Variants in APC2 observed in about 807,000 individuals in gnomAD.
APC2 encodes adenomatous polyposis coli protein 2.
Under a neutral mutation model 72.5 loss-of-function variants are expected in APC2, and 41 were observed. The ratio of observed to expected loss-of-function variants is 0.57; its 90% CI spans 0.44 to 0.73. APC2 has a LOEUF of 0.73. APC2 is among the 30% of genes least tolerant of loss of function. The probability of loss-of-function intolerance (pLI) is 0.00; values close to 1 mark genes in which losing one functional copy is unlikely to be tolerated. For synonymous variants in APC2, 1,898 were observed against 1,612.0 expected, an observed-to-expected ratio of 1.18 and a Z score of -4.25; for missense variants, 3,729 against 3,403.4, an observed-to-expected ratio of 1.10 and a Z score of -2.38.
At chr19:1,449,072 C>T (rs796081561), upstream of APC2, among the ~76,000 whole-genome samples, 12 of 152,326 alleles carry the variant, frequency 7.9e-5, no homozygotes, top group African/African-American at 1.9e-4. Flanking sequence ...CCTCCCTTGC[C>T]TTTGTCTACG....
At chr19:1,449,109 C>G (rs370665277), upstream of APC2, among the ~76,000 whole-genome samples, 3 of 152,248 alleles carry the variant, frequency 2.0e-5, no homozygotes, top group East Asian at 1.9e-4. Context: ...GACCTTCCCA[C>G]CCTCTCCTAT....
At chr19:1,450,096 C>T (rs1014640820), upstream of APC2, 11 of 971,102 alleles carry the variant, frequency 1.1e-5, no homozygotes, top group South Asian at 1.4e-4. Context: ...CACCCGCATC[C>T]CTCATCCCGC....
In APC2 at chr19:1,453,569, G is replaced by C. The variant is rs1191880287; in HGVS notation, c.371G>C (p.Ser124Thr). The C allele has an allele frequency of 3.1e-6, 5 of 1,610,398 alleles. No homozygotes were observed. The highest frequency in any genetic ancestry group is 4.2e-6 in the Non-Finnish European group (5 of 1,179,022). ...GPSKDSFGELSRATIRLLEEL... is the reference protein window; with the variant it reads ...GPSKDSFGELTRATIRLLEEL... ...TCCAAGGACAGCTTTGGGGAGCTGA[G>C]CCGGGCCACCATCCGGCTGCTGGAG... Residue 124 changes from serine to threonine, a missense_variant, in exon 4 of 15, where the codon AGC becomes ACC. Ser to Thr is a moderately conservative substitution (Grantham distance 58, BLOSUM62 1). Coordinates refer to ENST00000590469, the MANE Select transcript of APC2 (RefSeq NM_005883.3).
Position 1,453,146 on chromosome 19 carries a change from G to A in APC2, c.141+4G>A, listed in dbSNP as rs2083765114. 15 of 1,598,184 alleles carry A rather than the reference G, an allele frequency of 9.4e-6. No homozygotes were observed. The highest frequency in any genetic ancestry group is 1.3e-5 in the Non-Finnish European group (15 of 1,172,930). ...GACAGAGACGTCGGGCATGAAGGTG[G>A]GGGCCTACATGGAGGAGGTGGGCTA... On this transcript the variant is annotated splice_donor_region_variant and intron_variant, in intron 2 of 14. Coordinates refer to ENST00000590469, the MANE Select transcript of APC2 (RefSeq NM_005883.3).
At chr19:1,458,173 A>C in intron 10 of APC2, 113 bp downstream of exon 10, 1 of 973,100 alleles carries the variant, frequency 1.0e-6, no homozygotes, top group Non-Finnish European at 1.6e-6. Flanking sequence ...TGGGGATTGG[A>C]GCCCGGAGAG....
Position 1,469,699 on chromosome 19 carries a change from C to T in APC2, c.6398C>T (p.Pro2133Leu). The T allele has an allele frequency of 7.3e-7, 1 of 1,376,162 alleles. No homozygotes were observed. Among genetic ancestry groups the T allele is most frequent in the Admixed American group, 3.5e-5 (1 of 28,742 alleles). The allele number at this position is 1,376,162 out of a possible 1,614,324, so 85.2% of individuals were successfully genotyped here. ...DAARRSSDGE[P>L]RPLPRVAAPG... The stretch of plus-strand genomic sequence containing the variant: ...GCGCGCCGCAGCAGCGACGGGGAGC[C>T]CCGGCCGCTCCCCAGGGTGGCCGCG... The change falls in exon 15 of 15, where the codon CCC (proline) becomes CTC (leucine). Residue 2133 changes from proline (P) to leucine (L), a missense_variant. Physicochemically the swap from Pro to Leu is moderately conservative, Grantham distance 98. Transcript: ENST00000590469.
At position 1,467,675 on chromosome 19, in the gene APC2, G is replaced by C. The variant is rs990929135; in HGVS notation, c.4374G>C (p.Ala1458=). 2.0e-6 allele frequency: 3 copies of C among 1,476,342 alleles called. No homozygotes were observed. The highest frequency in any genetic ancestry group is 2.9e-5 in the African/African-American group (2 of 68,206). 91.5% of individuals were successfully genotyped at this position (1,476,342 alleles called of 1,614,324 possible). The change falls in exon 15 of 15, where the codon GCG becomes GCC. Residue 1458 remains alanine, a synonymous_variant. Transcript: ENST00000590469. ...AGRSAEQSRG[A]GKNRAGLELP... ...GCAGCGCGGAGCAGTCTCGGGGCGC[G>C]GGCAAGAACAGAGCAGGGCTGGAGC...
intron 11 of APC2, 84 bp from the exon 12 acceptor site, chr19:1,460,696 A>T: frequency 7.3e-7 from 1 of 1,373,050 alleles, no homozygotes; most frequent in Non-Finnish European, 1.0e-6. Flanking sequence ...TTGCAGCTGC[A>T]GCACACAGAC....
At chr19:1,461,001 C>A (rs759199170) in intron 12 of APC2, 36 bp from the exon 13 acceptor site, 3 of 1,608,670 alleles carry the variant, frequency 1.9e-6, no homozygotes, top group Non-Finnish European at 8.5e-7. Flanking sequence ...GGGCCTGGAC[C>A]CTAGTCCCAC....
At position 1,469,613 on chromosome 19, in the gene APC2, C is replaced by T; in HGVS notation, c.6312C>T (p.His2104=). The T allele has an allele frequency of 8.0e-7, 1 of 1,256,260 alleles. No individual in the cohort carries two copies. Among genetic ancestry groups the T allele is most frequent in the Non-Finnish European group, 1.0e-6 (1 of 993,208 alleles). The allele number at this position is 1,256,260 out of a possible 1,614,324, so 77.8% of individuals were successfully genotyped here. A position where few individuals can be genotyped will look rare whatever the true frequency, so the allele number is the denominator to read the frequency against. The change falls in exon 15 of 15, where the codon CAC becomes CAT. Residue 2104 remains histidine (H), a synonymous_variant. Coordinates refer to ENST00000590469, the MANE Select transcript of APC2 (RefSeq NM_005883.3). ...ETVKRYASLP[H]ISVARRPDGA... is the part of the protein sequence containing the mutation. ...TCAAGCGCTACGCGTCGCTGCCGCA[C>T]ATCAGCGTGGCCCGCAGGCCCGACG...
Position 1,469,609 on chromosome 19 carries a change from C to G in APC2, c.6308C>G (p.Pro2103Arg). Residue 2103 changes from proline to arginine, a missense_variant, in exon 15 of 15, where the codon CCG (proline) becomes CGG (arginine). Transcript: ENST00000590469. ...PETVKRYASL[P>R]HISVARRPDG... ...ACTGTCAAGCGCTACGCGTCGCTGC[C>G]GCACATCAGCGTGGCCCGCAGGCCC... 7.9e-7 allele frequency: 1 copy of G among 1,258,852 alleles called. No homozygotes were observed. Among genetic ancestry groups the G allele is most frequent in the Non-Finnish European group, 1.0e-6 (1 of 993,462 alleles). 78.0% of individuals were successfully genotyped at this position (1,258,852 alleles called of 1,614,324 possible). A position where few individuals can be genotyped will look rare whatever the true frequency, so the allele number is the denominator to read the frequency against.
chr19:1,461,115 G>T lies in APC2; in HGVS notation c.1600G>T (p.Val534Leu). Residue 534 changes from valine to leucine, a missense_variant, in exon 13 of 15, where the codon GTG (valine) becomes TTG (leucine). Coordinates refer to ENST00000590469, the MANE Select transcript of APC2 (RefSeq NM_005883.3). ...SKKVLREAGS[V>L]TALVQCVLRA... is the part of the protein sequence containing the mutation. ...GAAGGTGCTGAGGGAGGCGGGCAGC[G>T]TGACTGCCCTGGTGCAGTGTGTCCT... The T allele has an allele frequency of 6.2e-7, 1 of 1,612,726 alleles. No individual in the cohort carries two copies. Among genetic ancestry groups the T allele is most frequent in the Non-Finnish European group, 8.5e-7 (1 of 1,180,006 alleles).
chr19:1,469,628 C>A lies in APC2; in HGVS notation c.6327C>A (p.Arg2109=). Residue 2109 remains arginine, a synonymous_variant, in exon 15 of 15, where the codon CGC becomes CGA. Coordinates refer to ENST00000590469, the MANE Select transcript of APC2 (RefSeq NM_005883.3). ...CGCTGCCGCACATCAGCGTGGCCCG[C>A]AGGCCCGACGGCGCCGTCCCCGCGG... ...YASLPHISVA[R]RPDGAVPAAP... is the part of the protein sequence containing the mutation. 1 of 1,235,442 alleles carries A rather than the reference C, an allele frequency of 8.1e-7. No homozygotes were observed. Among genetic ancestry groups the A allele is most frequent in the South Asian group, 2.5e-5 (1 of 39,910 alleles). The allele number at this position is 1,235,442 out of a possible 1,614,324, so 76.5% of individuals were successfully genotyped here.
intron 4 of APC2, among the ~76,000 whole-genome samples, 158 bp from the exon 5 acceptor site, chr19:1,454,991 C>A (rs547271010): frequency 7.1e-6 from 1 of 141,552 alleles, no homozygotes; most frequent in Non-Finnish European, 1.6e-5. Flanking sequence ...TACCCACCCC[C>A]CCCCCCTTAC....
In APC2 at chr19:1,469,941, C is replaced by T; in HGVS notation, c.6640C>T (p.Pro2214Ser). The T allele has an allele frequency of 1.3e-6, 2 of 1,509,578 alleles. No individual in the cohort carries two copies. Among genetic ancestry groups the T allele is most frequent in the Non-Finnish European group, 1.8e-6 (2 of 1,135,800 alleles). The allele number at this position is 1,509,578 out of a possible 1,614,324, so 93.5% of individuals were successfully genotyped here. Reference protein sequence around the residue: ...STSPSLETREPPGAPAGGQLS... With the variant: ...STSPSLETRESPGAPAGGQLS... ...GTCCCCGAGCCTGGAGACCAGGGAG[C>T]CCCCCGGGGCCCCCGCCGGCGGCCA... is the stretch of plus-strand genomic sequence containing the variant. Residue 2214 changes from proline (P) to serine (S), a missense_variant, in exon 15 of 15, where the codon CCC (proline) becomes TCC (serine). Transcript: ENST00000590469.
rs1327318178 is a variant in APC2, at chr19:1,471,587, A to G, written c.*1374A>G. 6.6e-6 allele frequency: 1 copy of G among 152,106 alleles called. No homozygotes were observed. The highest frequency in any genetic ancestry group is 2.4e-5 in the African/African-American group (1 of 41,396). 9.4% of individuals were successfully genotyped at this position (152,106 alleles called of 1,614,324 possible). On this transcript the variant is annotated 3_prime_UTR_variant, in exon 15 of 15. Transcript: ENST00000590469. ...CCTCGTCCTGCAGAGGGAGCCGACGACCTCTTTTCTGCAGAAAAGCTCCAG... is the reference window on the plus strand; with the variant it reads ...CCTCGTCCTGCAGAGGGAGCCGACGGCCTCTTTTCTGCAGAAAAGCTCCAG...
Position 1,453,624 on chromosome 19 carries a change from G to C in APC2, c.413+13G>C. 6.3e-7 allele frequency: 1 copy of C among 1,585,464 alleles called. No individual in the cohort carries two copies. The highest frequency in any genetic ancestry group is 1.3e-5 in the African/African-American group (1 of 74,532). On this transcript the variant is annotated intron_variant, in intron 4 of 14. Coordinates refer to ENST00000590469, the MANE Select transcript of APC2 (RefSeq NM_005883.3). ...TGGACCGGGAACGGTGAGTGGGCGT[G>C]GGAACCCAGCCTCGGGCAGCTGGAG... is the stretch of plus-strand genomic sequence containing the variant.
At chr19:1,447,787 G>A (rs910979153), upstream of APC2, among the ~76,000 whole-genome samples, 6 of 152,160 alleles carry the variant, frequency 3.9e-5, no homozygotes, top group African/African-American at 1.4e-4. Context: ...GGGATAAGAA[G>A]GGAGGTTCAG....
rs1389269266 is a variant in APC2, at chr19:1,467,935, G to A, written c.4634G>A (p.Arg1545Gln). The A allele has an allele frequency of 3.8e-6, 6 of 1,585,644 alleles. No homozygotes were observed. Among genetic ancestry groups the A allele is most frequent in the South Asian group, 3.3e-5 (3 of 89,556 alleles). The change falls in exon 15 of 15, where the codon CGG becomes CAG. Residue 1545 changes from arginine to glutamine, a missense_variant. Physicochemically the swap from Arg to Gln is conservative, Grantham distance 43. Coordinates refer to ENST00000590469, the MANE Select transcript of APC2 (RefSeq NM_005883.3). ...TTTACGCGGGAGCGTCCGCAGGGCC[G>A]GAAGGAGGCCCCTGCCCCGTCCAAG... The part of the protein sequence containing the change: ...RAFTRERPQG[R>Q]KEAPAPSKAA...
Sources: allele counts gnomAD v4.1 joint callset (sites outside exome capture counted in the v4.1 genomes callset), GRCh38; gene constraint gnomAD v4.1.1; transcripts MANE v1.5; gene names NCBI Gene and HGNC (gene_info 2026-07-23, HGNC 2026-07-21).